RTF1: variants seen among roughly 807,000 people sequenced by gnomAD.
RTF1 encodes RNA polymerase-associated protein RTF1 homolog.
Under a neutral mutation model 95.7 loss-of-function variants are expected in RTF1, and 10 were observed. That is an observed-to-expected ratio of 0.10 (90% CI 0.06 to 0.18). The LOEUF (loss-of-function observed/expected upper bound fraction) is 0.18, where lower values mean the gene tolerates loss of function less well. RTF1 is among the 10% of genes least tolerant of loss of function. RTF1 has a pLI of 1.00. For missense variants in RTF1, 458 were observed against 875.6 expected, an observed-to-expected ratio of 0.52 and a Z score of 6.02; for synonymous variants, 305 against 311.8, an observed-to-expected ratio of 0.98 and a Z score of 0.23.
intron 3 of RTF1, among the ~76,000 whole-genome samples, chr15:41,453,636 A>T (rs1421599318): frequency 6.6e-6 from 1 of 151,830 alleles, no homozygotes; most frequent in Non-Finnish European, 1.5e-5. Context: ...CTGAGGCGAG[A>T]GGCTTGCTTG....
At chr15:41,434,064 C>T (rs982967289) in intron 1 of RTF1, among the ~76,000 whole-genome samples, 29 of 151,528 alleles carry the variant, frequency 1.9e-4, no homozygotes, top group African/African-American at 5.8e-4. Context: ...AGGCTGGTCT[C>T]GAACTCCCAA....
intron 5 of RTF1, among the ~76,000 whole-genome samples, chr15:41,465,486 C>A (rs1015325063): frequency 6.6e-6 from 1 of 152,146 alleles, no homozygotes; most frequent in Non-Finnish European, 1.5e-5. Flanking sequence ...ACTAAAAATA[C>A]AAAAATTAGC....
At chr15:41,431,989 C>T (rs1307236260) in intron 1 of RTF1, among the ~76,000 whole-genome samples, 3 of 151,648 alleles carry the variant, frequency 2.0e-5, no homozygotes, top group African/African-American at 4.8e-5. Flanking sequence ...TTAGTAGAGA[C>T]GTGGTTTCAC....
chr15:41,473,620 C>T lies in RTF1; in HGVS notation c.1204-1000C>T, dbSNP rs147553653. ...CCCTGTTGCCCAGGCTAGCATGCAG[C>T]GGTGTGATCAGAGCTCATTGCAACC... On this transcript the variant is annotated intron_variant, in intron 8 of 17. Coordinates refer to ENST00000389629, the MANE Select transcript of RTF1 (RefSeq NM_015138.5). Among the ~76,000 whole-genome samples, 521 of 152,206 alleles carry T rather than the reference C, an allele frequency of 3.4e-3. 3 individuals are homozygous for T. Among genetic ancestry groups the T allele is most frequent in the African/African-American group, 0.011 (467 of 41,540 alleles).
At chr15:41,424,249 G>A (rs1041696043) in intron 1 of RTF1, among the ~76,000 whole-genome samples, 1 of 152,170 alleles carries the variant, frequency 6.6e-6, no homozygotes, top group African/African-American at 2.4e-5. Context: ...GAATACTGTG[G>A]AAATATTAAC....
chr15:41,457,415 C>A (rs1389420414), intron 3 of RTF1, among the ~76,000 whole-genome samples: 1 of 152,058 alleles, frequency 6.6e-6, no homozygotes, highest in Non-Finnish European at 1.5e-5. Flanking sequence ...CATCTGTAAT[C>A]CCTGCTACTT....
At chr15:41,443,095 A>C (rs1016532272) in intron 2 of RTF1, among the ~76,000 whole-genome samples, 2 of 152,194 alleles carry the variant, frequency 1.3e-5, no homozygotes, top group Non-Finnish European at 2.9e-5. Flanking sequence ...ACTGAGCTAA[A>C]AAGTTAATCG....
rs895955263 is a variant in RTF1 at position 41,417,106 on chromosome 15, C to A, written c.-10C>A. ...AGGGGGCGGGGCCAGGGGGGCGGAGCGGAGCGCGCATGCGCGGTCGCCTTT... is the reference window on the plus strand; with the variant it reads ...AGGGGGCGGGGCCAGGGGGGCGGAGAGGAGCGCGCATGCGCGGTCGCCTTT... On this transcript the variant is annotated 5_prime_UTR_variant, in exon 1 of 18. Transcript: ENST00000389629. 4.0e-6 allele frequency: 5 copies of A among 1,235,286 alleles called. No homozygotes were observed. The East Asian group carries it at 1.6e-4, about 39-fold the overall frequency. 76.5% of individuals were successfully genotyped at this position (1,235,286 alleles called of 1,614,324 possible). A position where few individuals can be genotyped will look rare whatever the true frequency, so the allele number is the denominator to read the frequency against.
intron 3 of RTF1, among the ~76,000 whole-genome samples, chr15:41,453,611 C>T (rs979709524): frequency 6.6e-6 from 1 of 151,702 alleles, no homozygotes; most frequent in Non-Finnish European, 1.5e-5. Flanking sequence ...CCTGAGGTCC[C>T]AACTACTTAG....
At chr15:41,440,019 C>CA in intron 2 of RTF1, among the ~76,000 whole-genome samples, 1 of 152,208 alleles carries the variant, frequency 6.6e-6, no homozygotes, top group East Asian at 1.9e-4. Context: ...TATCACCTTT[C>CA]AGTGTAATTT....
chr15:41,458,945 A>G (rs921553335), intron 4 of RTF1, among the ~76,000 whole-genome samples: 1 of 151,810 alleles, frequency 6.6e-6, no homozygotes, highest in African/African-American at 2.4e-5. Flanking sequence ...GGTCGTACGC[A>G]TCTGTAATCC....
At chr15:41,424,912 G>A (rs1008455954) in intron 1 of RTF1, among the ~76,000 whole-genome samples, 12 of 152,060 alleles carry the variant, frequency 7.9e-5, no homozygotes, top group African/African-American at 2.9e-4. Context: ...GTGAGGCTGA[G>A]GCATGAGAAT....
At chr15:41,425,948 T>C (rs954229368) in intron 1 of RTF1, among the ~76,000 whole-genome samples, 2 of 152,190 alleles carry the variant, frequency 1.3e-5, no homozygotes, top group Admixed American at 6.5e-5. Context: ...TCGAAGTGAC[T>C]ATGAGATGTC....
intron 4 of RTF1, among the ~76,000 whole-genome samples, chr15:41,462,071 G>T (rs1193549109): frequency 6.6e-6 from 1 of 151,930 alleles, no homozygotes; most frequent in African/African-American, 2.4e-5. Context: ...ACTTTTTTTA[G>T]TGACTATAAG....
chr15:41,462,542 A>G (rs147393381), intron 4 of RTF1, among the ~76,000 whole-genome samples: 132 of 152,334 alleles, frequency 8.7e-4, no homozygotes, highest in Non-Finnish European at 1.3e-3. Flanking sequence ...AATGTAAACT[A>G]TCACTAACTC....
At chr15:41,476,259 C>T (rs766398971) in intron 11 of RTF1, among the ~76,000 whole-genome samples, 187 bp from the exon 12 acceptor site, 26 of 152,154 alleles carry the variant, frequency 1.7e-4, no homozygotes, top group Non-Finnish European at 3.2e-4. Context: ...GAAGAATCTC[C>T]GTGACCCAGG....
intron 4 of RTF1, among the ~76,000 whole-genome samples, chr15:41,463,601 C>T (rs2050863366): frequency 6.6e-6 from 1 of 152,072 alleles, no homozygotes; most frequent in East Asian, 1.9e-4. Flanking sequence ...CCCACCTCAG[C>T]CTGCCAAGTA....
At chr15:41,450,579 C>T (rs1181850640) in intron 2 of RTF1, among the ~76,000 whole-genome samples, 1 of 146,056 alleles carries the variant, frequency 6.8e-6, no homozygotes. Context: ...AGTGAGACTC[C>T]GTCTCAAAAA....
intron 1 of RTF1, among the ~76,000 whole-genome samples, chr15:41,421,795 T>C (rs907270174): frequency 2.6e-4 from 40 of 151,490 alleles, no homozygotes; most frequent in Non-Finnish European, 4.6e-4. Flanking sequence ...GGCTGTAGCG[T>C]TGACCTCCCT....
Sources: allele counts gnomAD v4.1 joint callset (sites outside exome capture counted in the v4.1 genomes callset), GRCh38; gene constraint gnomAD v4.1.1; transcripts MANE v1.5; gene names NCBI Gene and HGNC (gene_info 2026-07-23, HGNC 2026-07-21).